The following ZBTB7C variants were observed in gnomAD, a reference collection of about 807,000 sequenced individuals.
The protein encoded by ZBTB7C is zinc finger and BTB domain containing 7C, also known as zinc finger and BTB domain-containing protein 7C.
A neutral mutation model predicts 25.7 loss-of-function variants in ZBTB7C; 8 were observed. The ratio of observed to expected loss-of-function variants is 0.31; its 90% CI spans 0.18 to 0.56. ZBTB7C has a LOEUF of 0.56. ZBTB7C is among the 20% of genes least tolerant of loss of function. ZBTB7C has a pLI of 0.91. For synonymous variants in ZBTB7C, 394 were observed against 369.0 expected (o/e 1.07, Z -0.78); for missense variants, 824 against 855.2 (o/e 0.96, Z 0.46).
intron 3 of ZBTB7C, chr18:48,169,670 A>G (rs2145015022): frequency 6.6e-6 from 1 of 152,474 alleles, no homozygotes; most frequent in Admixed American, 6.5e-5. Context: ...ACAGCCAAGC[A>G]TACTGGCTCA....
intron 2 of ZBTB7C, among the ~76,000 whole-genome samples, chr18:48,269,822 T>C (rs966606395): frequency 4.6e-5 from 7 of 152,224 alleles, no homozygotes; most frequent in Non-Finnish European, 8.8e-5. Flanking sequence ...CTTGGTGATT[T>C]CCTTCTGAGC....
At chr18:48,228,174 A>G (rs1438441617) in intron 2 of ZBTB7C, among the ~76,000 whole-genome samples, 1 of 152,158 alleles carries the variant, frequency 6.6e-6, no homozygotes, top group Non-Finnish European at 1.5e-5. Context: ...ACCTGGCTGG[A>G]GAGTATGACT....
At chr18:48,296,829 T>G (rs933547836) in intron 2 of ZBTB7C, among the ~76,000 whole-genome samples, 1 of 151,258 alleles carries the variant, frequency 6.6e-6, no homozygotes, top group Non-Finnish European at 1.5e-5. Flanking sequence ...AGCAGAGCCA[T>G]GAGAGTCTCA....
intron 2 of ZBTB7C, among the ~76,000 whole-genome samples, chr18:48,322,985 G>T (rs2046133113): frequency 6.6e-6 from 1 of 152,134 alleles, no homozygotes; most frequent in Admixed American, 6.5e-5. Context: ...TTCACAAGTG[G>T]AAACTAAGCT....
chr18:48,357,470 TCCGAGGAGTA>T (rs2047001565), intron 1 of ZBTB7C, among the ~76,000 whole-genome samples: 1 of 152,102 alleles, frequency 6.6e-6, no homozygotes, highest in Non-Finnish European at 1.5e-5. Flanking sequence ...AAAGAAGAGC[TCCGAGGAGTA>T]AACAAGCCTG....
intron 2 of ZBTB7C, among the ~76,000 whole-genome samples, chr18:48,285,809 T>G (rs1047787673): frequency 5.9e-5 from 9 of 152,230 alleles, no homozygotes; most frequent in Non-Finnish European, 1.3e-4. Context: ...GGGGTTCCAT[T>G]TTTTCAAGGG....
intron 2 of ZBTB7C, among the ~76,000 whole-genome samples, chr18:48,254,559 C>A (rs932585532): frequency 6.6e-6 from 1 of 152,174 alleles, no homozygotes; most frequent in Non-Finnish European, 1.5e-5. Context: ...GTTTCTTCTG[C>A]CTATTAAACT....
chr18:48,393,258 C>A (rs929040897), intron 1 of ZBTB7C, among the ~76,000 whole-genome samples: 6 of 126,146 alleles, frequency 4.8e-5, no homozygotes, highest in Non-Finnish European at 8.3e-5. Context: ...CCCCACCCCC[C>A]ACCCCTGCCA....
At chr18:48,177,306 C>A (rs755685440) in intron 3 of ZBTB7C, among the ~76,000 whole-genome samples, 1 of 152,196 alleles carries the variant, frequency 6.6e-6, no homozygotes, top group Non-Finnish European at 1.5e-5. Context: ...CTTGCCCTCA[C>A]CTGCAAAAGC....
intron 2 of ZBTB7C, among the ~76,000 whole-genome samples, chr18:48,263,692 T>TA (rs76126998): frequency 5.3e-3 from 500 of 94,110 alleles, no homozygotes; most frequent in African/African-American, 0.011. Flanking sequence ...ATAAAGCTGC[T>TA]AAAAAAAAAA....
intron 3 of ZBTB7C, among the ~76,000 whole-genome samples, chr18:48,144,518 AT>A (rs1453233354): frequency 6.6e-6 from 1 of 151,470 alleles, no homozygotes; most frequent in Non-Finnish European, 1.5e-5. Flanking sequence ...TAATTTTTGT[AT>A]TTTTTTGGTA....
At chr18:48,233,095 C>A (rs2043294157) in intron 2 of ZBTB7C, among the ~76,000 whole-genome samples, 1 of 152,142 alleles carries the variant, frequency 6.6e-6, no homozygotes, top group Admixed American at 6.5e-5. Flanking sequence ...ATTTAATTCC[C>A]AATGCAGCAT....
intron 3 of ZBTB7C, among the ~76,000 whole-genome samples, chr18:48,065,709 C>A (rs773238242): frequency 3.3e-5 from 5 of 152,196 alleles, no homozygotes; most frequent in African/African-American, 4.8e-5. Flanking sequence ...GGAGGCCTGA[C>A]CTCTCGCCCT....
At chr18:48,112,276 T>C (rs1349062412) in intron 3 of ZBTB7C, among the ~76,000 whole-genome samples, 18 of 145,376 alleles carry the variant, frequency 1.2e-4, no homozygotes, top group Non-Finnish European at 2.5e-4. Flanking sequence ...TTTTTTTTTT[T>C]TTGCCTTCTC....
At chr18:48,246,429 C>CA (rs533876827) in intron 2 of ZBTB7C, among the ~76,000 whole-genome samples, 28 of 140,248 alleles carry the variant, frequency 2.0e-4, no homozygotes, top group Middle Eastern at 3.6e-3. Flanking sequence ...GACTCTGTCT[C>CA]AAAAAAAAAT....
chr18:48,222,010 T>A (rs967197604), intron 2 of ZBTB7C, among the ~76,000 whole-genome samples: 6 of 152,060 alleles, frequency 3.9e-5, no homozygotes, highest in Non-Finnish European at 7.4e-5. Context: ...AGTCTCCCTC[T>A]ATACTGTCCT....
chr18:48,219,091 C>T (rs2042892267), intron 2 of ZBTB7C, among the ~76,000 whole-genome samples: 1 of 152,194 alleles, frequency 6.6e-6, no homozygotes, highest in Non-Finnish European at 1.5e-5. Flanking sequence ...TTCCATCTGA[C>T]CCTCAGGCCT....
chr18:48,187,010 C>T (rs776690872), intron 2 of ZBTB7C, among the ~76,000 whole-genome samples: 6 of 152,124 alleles, frequency 3.9e-5, no homozygotes, highest in Non-Finnish European at 5.9e-5. Flanking sequence ...CAGCCTAGCT[C>T]GGAATGGGGA....
At chr18:48,307,312 T>G (rs2045699077) in intron 2 of ZBTB7C, among the ~76,000 whole-genome samples, 1 of 152,198 alleles carries the variant, frequency 6.6e-6, no homozygotes, top group Non-Finnish European at 1.5e-5. Flanking sequence ...ACAAGACAAC[T>G]AATTACTTCT....
Sources: gnomAD v4.1 joint callset for allele counts (sites outside exome capture counted in the v4.1 genomes callset) on GRCh38, gnomAD v4.1.1 for gene constraint, MANE v1.5 for transcripts, NCBI Gene and HGNC (gene_info 2026-07-23, HGNC 2026-07-21) for gene names.